ZNF284: variants seen among roughly 807,000 people sequenced by gnomAD.
The protein encoded by ZNF284 is zinc finger protein 284.
In ZNF284, 12 loss-of-function variants were observed where a neutral mutation model predicts 12.9. That is an observed-to-expected ratio of 0.93 (90% confidence interval 0.60 to 1.51). The LOEUF is 1.51. ZNF284 is among the 40% of genes most tolerant of loss of function. The pLI, the probability that ZNF284 is intolerant of heterozygous loss-of-function variation, is 0.00. For synonymous variants in ZNF284, 225 were observed against 236.5 expected, an observed-to-expected ratio of 0.95 and a Z score of 0.45; for missense variants, 667 against 707.3, an observed-to-expected ratio of 0.94 and a Z score of 0.65.
Position 44,081,154 on chromosome 19 carries a change from A to G in ZNF284, c.142+13A>G, listed in dbSNP as rs1244198749. On this transcript the variant is annotated intron_variant, in intron 3 of 4. Transcript: ENST00000421176. ...CTGCTATCAGTGGGTGAGCACAGGC[A>G]CCCTCTGTAATGGAACATCAGGCCC... The G allele has an allele frequency of 6.2e-7, 1 of 1,606,116 alleles. No individual in the cohort carries two copies. The highest frequency in any genetic ancestry group is 1.1e-5 in the South Asian group (1 of 90,734).
intron 2 of ZNF284, among the ~76,000 whole-genome samples, chr19:44,077,706 T>C (rs1014182881): frequency 2.0e-5 from 3 of 152,052 alleles, no homozygotes; most frequent in African/African-American, 4.8e-5. Flanking sequence ...ATGTGAAATA[T>C]GAGAAACCTG....
In ZNF284 at chr19:44,085,925, T is replaced by C. The variant is rs149622101; in HGVS notation, c.447T>C (p.His149=). Residue 149 remains histidine (H), a synonymous_variant, in exon 5 of 5, where the codon CAT becomes CAC. Coordinates refer to ENST00000421176, the MANE Select transcript of ZNF284 (RefSeq NM_001037813.4). ...ACATAGGAGAGACACCTTCTGAGCA[T>C]GGGAAGTGTAAAAAATTCTTCAGTG... The part of the protein sequence containing the change: ...IIHIGETPSE[H]GKCKKFFSDV... The C allele has an allele frequency of 4.7e-5, 76 of 1,614,178 alleles. No individual in the cohort carries two copies. In the East Asian group the frequency reaches 1.6e-3, roughly 35 times the overall value.
chr19:44,075,119 C>T (rs1461518762), intron 1 of ZNF284, among the ~76,000 whole-genome samples: 1 of 152,182 alleles, frequency 6.6e-6, no homozygotes, highest in African/African-American at 2.4e-5. Context: ...TACCATATTA[C>T]ATAACGTTGT....
At position 44,081,097 on chromosome 19, in the gene ZNF284, A is replaced by G; in HGVS notation, c.98A>G (p.Tyr33Cys). ...GLLDVSQRKL[Y>C]RDVMLENFRN... Reference sequence around the variant, plus strand: ...CTGGACGTTTCCCAGAGGAAGCTGTATCGAGATGTCATGCTGGAGAACTTC... The same window carrying G: ...CTGGACGTTTCCCAGAGGAAGCTGTGTCGAGATGTCATGCTGGAGAACTTC... The change falls in exon 3 of 5, where the codon TAT becomes TGT. Residue 33 changes from tyrosine to cysteine, a missense_variant. Coordinates refer to ENST00000421176, the MANE Select transcript of ZNF284 (RefSeq NM_001037813.4). 1 of 1,613,128 alleles carries G rather than the reference A, an allele frequency of 6.2e-7. No homozygotes were observed. Among genetic ancestry groups the G allele is most frequent in the Non-Finnish European group, 8.5e-7 (1 of 1,179,384 alleles).
chr19:44,074,128 C>A (rs1300816013), intron 1 of ZNF284, among the ~76,000 whole-genome samples: 1 of 151,418 alleles, frequency 6.6e-6, no homozygotes, highest in South Asian at 2.1e-4. Context: ...CCGAGGTGGG[C>A]GGATCACCTG....
In ZNF284 at chr19:44,077,377, A is replaced by G. The variant is rs547134788; in HGVS notation, c.15+973A>G. On this transcript the variant is annotated intron_variant, in intron 2 of 4. Coordinates refer to ENST00000421176, the MANE Select transcript of ZNF284 (RefSeq NM_001037813.4). ...GTCTTTTCTTATTCCTTTATGTATT[A>G]AGGAGTTTGACCAAAATGCAGCATC... Among the ~76,000 whole-genome samples the G allele has an allele frequency of 2.0e-5, 3 of 152,106 alleles. No homozygotes were observed. The South Asian group carries it at 6.2e-4, about 32-fold the overall frequency.
intron 1 of ZNF284, among the ~76,000 whole-genome samples, chr19:44,073,721 T>G (rs566673400): frequency 2.6e-5 from 4 of 151,984 alleles, no homozygotes; most frequent in Non-Finnish European, 5.9e-5. Context: ...CTAATTTTTT[T>G]GTAGTTTTAG....
At chr19:44,076,964 C>T (rs757698147) in intron 2 of ZNF284, among the ~76,000 whole-genome samples, 2 of 151,998 alleles carry the variant, frequency 1.3e-5, no homozygotes, top group African/African-American at 2.4e-5. Context: ...GGATTACAGG[C>T]GCTCACCACC....
intron 4 of ZNF284, among the ~76,000 whole-genome samples, chr19:44,083,470 TATATAGAG>T (rs1288987637): frequency 6.5e-4 from 42 of 64,502 alleles, no homozygotes; most frequent in African/African-American, 1.8e-3. Context: ...TATATATATA[TATATAGAG>T]AGAGAGAGAG....
chr19:44,080,498 A>G (rs1405678389), intron 2 of ZNF284, among the ~76,000 whole-genome samples: 1 of 152,196 alleles, frequency 6.6e-6, no homozygotes, highest in Non-Finnish European at 1.5e-5. Flanking sequence ...AGGCAGGAGA[A>G]TTGCTTGAAT....
rs746879511 is a variant in ZNF284 at position 44,082,089 on chromosome 19, A to G, written c.219A>G (p.Gln73=). ...TTTGGATCATGGAGACAGCAACCCA[A>G]AGAGAAGGGAATTCAGGTAAGAACC... The part of the protein sequence containing the change: ...EKFWIMETAT[Q]REGNSGGKIQ... The change falls in exon 4 of 5, where the codon CAA becomes CAG. Residue 73 remains glutamine (Q), a synonymous_variant. Coordinates refer to ENST00000421176, the MANE Select transcript of ZNF284 (RefSeq NM_001037813.4). 1.4e-5 allele frequency: 22 copies of G among 1,613,012 alleles called. No homozygotes were observed. The East Asian group carries it at 4.5e-4, about 33-fold the overall frequency.
At position 44,086,996 on chromosome 19, in the gene ZNF284, T is replaced by A; in HGVS notation, c.1518T>A (p.Thr506=). 1.9e-6 allele frequency: 3 copies of A among 1,614,178 alleles called. No individual in the cohort carries two copies. Among genetic ancestry groups the A allele is most frequent in the Non-Finnish European group, 2.5e-6 (3 of 1,180,030 alleles). Residue 506 remains threonine (T), a synonymous_variant, in exon 5 of 5, where the codon ACT becomes ACA. Coordinates refer to ENST00000421176, the MANE Select transcript of ZNF284 (RefSeq NM_001037813.4). ...SKLRFHQRIH[T]GEKPYKCEEC... is the part of the protein sequence containing the mutation. The stretch of plus-strand genomic sequence containing the variant: ...TTCGTTTCCATCAAAGAATTCACAC[T>A]GGAGAAAAGCCTTACAAATGTGAGG...
At chr19:44,076,516 C>G in intron 2 of ZNF284, 112 bp downstream of exon 2, 1 of 1,137,786 alleles carries the variant, frequency 8.8e-7, no homozygotes, top group Non-Finnish European at 1.3e-6. Flanking sequence ...TATTTGTGCA[C>G]CTGTTGTGTG....
chr19:44,081,711 CAAAAAA>C (rs369698330), intron 3 of ZNF284, among the ~76,000 whole-genome samples: 2 of 147,256 alleles, frequency 1.4e-5, no homozygotes, highest in African/African-American at 5.0e-5. Flanking sequence ...GACTCCGTCT[CAAAAAA>C]AAACAAAAAC....
At position 44,085,891 on chromosome 19, in the gene ZNF284, C is replaced by T. The variant is rs759407234; in HGVS notation, c.413C>T (p.Ser138Phe). The change falls in exon 5 of 5, where the codon TCT becomes TTT. Residue 138 changes from serine (S) to phenylalanine (F), a missense_variant. By Grantham distance (155) the Ser-to-Phe change is radical. Coordinates refer to ENST00000421176, the MANE Select transcript of ZNF284 (RefSeq NM_001037813.4). ...CCCTCCCAGGTTGACGCAGGACTATCTATAATTCACATAGGAGAGACACCT... is the reference window on the plus strand; with the variant it reads ...CCCTCCCAGGTTGACGCAGGACTATTTATAATTCACATAGGAGAGACACCT... ...DVPSQVDAGLSIIHIGETPSE... is the reference protein window; with the variant it reads ...DVPSQVDAGLFIIHIGETPSE... 6.2e-7 allele frequency: 1 copy of T among 1,614,190 alleles called. No individual in the cohort carries two copies. The highest frequency in any genetic ancestry group is 8.5e-7 in the Non-Finnish European group (1 of 1,180,002).
chr19:44,078,700 TC>T (rs1453773645), intron 2 of ZNF284, among the ~76,000 whole-genome samples: 1 of 152,104 alleles, frequency 6.6e-6, no homozygotes, highest in Non-Finnish European at 1.5e-5. Flanking sequence ...ATTCAAGCAA[TC>T]CCCCCACCTT....
chr19:44,087,750 C>A lies in ZNF284; in HGVS notation c.*490C>A, dbSNP rs1176352599. 6.8e-6 allele frequency: 1 copy of A among 147,574 alleles called. No homozygotes were observed. The highest frequency in any genetic ancestry group is 1.5e-5 in the Non-Finnish European group (1 of 67,486). 9.1% of individuals were successfully genotyped at this position (147,574 alleles called of 1,614,324 possible). A position where few individuals can be genotyped will look rare whatever the true frequency, so the allele number is the denominator to read the frequency against. ...GGGATTACAGGCACGCACCACCACG[C>A]CCAGCTAATTTTTGTACTTTTTTTT... is the stretch of plus-strand genomic sequence containing the variant. On this transcript the variant is annotated 3_prime_UTR_variant, in exon 5 of 5. Transcript: ENST00000421176.
intron 2 of ZNF284, among the ~76,000 whole-genome samples, chr19:44,077,874 T>A (rs1288552127): frequency 6.6e-6 from 1 of 152,234 alleles, no homozygotes; most frequent in South Asian, 2.1e-4. Context: ...ACTGGTGACA[T>A]AGCTCCTCCC....
rs376444213 is a variant in ZNF284, at chr19:44,086,256, A to G, written c.778A>G (p.Ile260Val). Residue 260 changes from isoleucine to valine, a missense_variant, in exon 5 of 5, where the codon ATT becomes GTT. Ile to Val is a conservative substitution (Grantham distance 29). Coordinates refer to ENST00000421176, the MANE Select transcript of ZNF284 (RefSeq NM_001037813.4). ...CKLHTGEKPH[I>V]CEECGKAFIH... ...ATTACACACAGGAGAAAAACCTCAT[A>G]TTTGTGAGGAATGTGGGAAGGCCTT... The G allele has an allele frequency of 1.5e-5, 24 of 1,614,092 alleles. No homozygotes were observed. The African/African-American group carries it at 2.8e-4, about 19-fold the overall frequency.
Sources: allele counts gnomAD v4.1 joint callset (sites outside exome capture counted in the v4.1 genomes callset), GRCh38; gene constraint gnomAD v4.1.1; transcripts MANE v1.5; gene names NCBI Gene and HGNC (gene_info 2026-07-23, HGNC 2026-07-21).